ZNF454: variants seen among roughly 807,000 people sequenced by gnomAD.
The protein encoded by ZNF454 is zinc finger protein 454.
In ZNF454, 30 loss-of-function variants were observed where a neutral mutation model predicts 48.2. The ratio of observed to expected loss-of-function variants is 0.62; its 90% CI spans 0.47 to 0.84. ZNF454 has a LOEUF of 0.84. Ranked by LOEUF, ZNF454 falls within the 40% of genes least tolerant of loss-of-function variation. The probability of loss-of-function intolerance (pLI) is 0.00; values close to 1 mark genes in which losing one functional copy is unlikely to be tolerated. For missense variants in ZNF454, 510 were observed against 623.1 expected (o/e 0.82, Z 1.93); for synonymous variants, 204 against 211.4 (o/e 0.97, Z 0.30).
intron 4 of ZNF454, among the ~76,000 whole-genome samples, chr5:178,951,808 C>G (rs1759566686): frequency 1.3e-5 from 2 of 152,102 alleles, no homozygotes; most frequent in South Asian, 4.1e-4. Context: ...TGTAGAGGTA[C>G]TGGATTTAAG....
rs546331940 is a variant in ZNF454, at chr5:178,946,163, G to A, written c.34-196G>A. 7.2e-5 allele frequency among the ~76,000 whole-genome samples: 11 copies of A among 152,228 alleles called. No individual in the cohort carries two copies. Among genetic ancestry groups the A allele is most frequent in the South Asian group, 4.1e-4 (2 of 4,830 alleles). On this transcript the variant is annotated intron_variant, in intron 2 of 4. Transcript: ENST00000519564. The surrounding 1 kb of genome is among the most constrained non-coding windows in gnomAD (Gnocchi z 4.5). ...TCGCCACCATATATGTTTCTTCAGC[G>A]TGGAGAGCAATGTCTAGTCCAAGGC...
intron 4 of ZNF454, among the ~76,000 whole-genome samples, chr5:178,961,918 T>TGGA (rs1760025573): frequency 6.6e-6 from 1 of 151,818 alleles, no homozygotes; most frequent in African/African-American, 2.4e-5. Context: ...GACATTATAA[T>TGGA]TATTGTCTCA....
the ZNF454 span, chr5:178,989,200 TCCCCCTCCCCACCCTCACCACCCTCCC>T: frequency 7.5e-7 from 1 of 1,333,666 alleles, no homozygotes; most frequent in Non-Finnish European, 1.0e-6. Context: ...CCTCCCGCCT[TCCCCCTCCCCACCCTCACCACCCTCCC>T]CACCCTCCCC....
intron 4 of ZNF454, among the ~76,000 whole-genome samples, chr5:178,954,832 G>C (rs1759686630): frequency 6.6e-6 from 1 of 152,150 alleles, no homozygotes; most frequent in South Asian, 2.1e-4. Flanking sequence ...TTTCTGTCTG[G>C]CTTCTTTACT....
chr5:178,986,857 G>T, the ZNF454 span: 2 of 1,613,976 alleles, frequency 1.2e-6, no homozygotes, highest in Non-Finnish European at 1.7e-6. Context: ...GAGGGTCTCT[G>T]CCCACTGGCC....
chr5:178,989,429 G>T, the ZNF454 span: 1 of 1,613,716 alleles, frequency 6.2e-7, no homozygotes, highest in East Asian at 2.2e-5. Flanking sequence ...AGAAGGGGGA[G>T]GGTGGCGCTG....
At chr5:178,983,606 G>A in the ZNF454 span, 13,470 of 393,424 alleles carry the variant, frequency 0.034, 369 homozygotes, top group South Asian at 0.081. Context: ...CTGGAACTGA[G>A]GCCCTACTCG....
chr5:178,987,637 G>A, the ZNF454 span, among the ~76,000 whole-genome samples: 4 of 152,308 alleles, frequency 2.6e-5, no homozygotes, highest in South Asian at 2.1e-4. Flanking sequence ...GTGGAATGGC[G>A]GTTGCAGGTG....
rs188795001 is a variant in ZNF454 at position 178,947,815 on chromosome 5, G to A, written c.250+829G>A. Among the ~76,000 whole-genome samples the A allele has an allele frequency of 2.6e-5, 4 of 152,140 alleles. No homozygotes were observed. In the East Asian group the frequency reaches 7.7e-4, roughly 29 times the overall value. On this transcript the variant is annotated intron_variant, in intron 4 of 4. Transcript: ENST00000519564. Reference sequence around the variant, plus strand: ...AAACCTTTTGCTACAGATTCTTCACGGTAACCCAATGCAGTAGGCGGGAAT... The same window carrying A: ...AAACCTTTTGCTACAGATTCTTCACAGTAACCCAATGCAGTAGGCGGGAAT...
rs1359574839 is a variant in ZNF454, at chr5:178,944,792, CCTTAA to C, written c.34-1563_34-1559del. Reference sequence around the variant, plus strand: ...CTTTTTTCTCAGTGAACACCAGCTCCCTTAACTTCTCAGCCAACTGGGAAGACAAG... The same window carrying C: ...CTTTTTTCTCAGTGAACACCAGCTCCCTTCTCAGCCAACTGGGAAGACAAG... On this transcript the variant is annotated intron_variant, in intron 2 of 4. Transcript: ENST00000519564. This position sits in a 1 kb window ranked among gnomAD's most constrained non-coding sequence, Gnocchi z 4.1. Among the ~76,000 whole-genome samples the C allele has an allele frequency of 1.3e-5, 2 of 152,188 alleles. No individual in the cohort carries two copies. Among genetic ancestry groups the C allele is most frequent in the African/African-American group, 4.8e-5 (2 of 41,454 alleles).
At chr5:178,984,599 T>G in the ZNF454 span, among the ~76,000 whole-genome samples, 1 of 151,924 alleles carries the variant, frequency 6.6e-6, no homozygotes, top group African/African-American at 2.4e-5. Context: ...TCTAAGCATC[T>G]CCACCTGAGG....
the ZNF454 span, chr5:178,985,892 G>T: frequency 3.5e-6 from 2 of 571,092 alleles, no homozygotes; most frequent in African/African-American, 1.9e-5. Flanking sequence ...CTCCCAAGTA[G>T]CTAGGACTAC....
At chr5:178,985,560 G>T in the ZNF454 span, 1 of 337,100 alleles carries the variant, frequency 3.0e-6, no homozygotes, top group Non-Finnish European at 5.8e-6. Flanking sequence ...AAAATTAGCC[G>T]GGCGTGGTGG....
the ZNF454 span, chr5:178,988,797 G>T: frequency 1.5e-6 from 1 of 683,658 alleles, no homozygotes; most frequent in Non-Finnish European, 2.6e-6. This position sits in a 1 kb window ranked among gnomAD's most constrained non-coding sequence, Gnocchi z 6.0. Flanking sequence ...TCATGTCTTT[G>T]GCACTCAGCC....
chr5:178,986,093 C>T, the ZNF454 span: 5 of 1,591,854 alleles, frequency 3.1e-6, no homozygotes, highest in Non-Finnish European at 4.3e-6. Context: ...GGACAGTCCC[C>T]CTCCCTGCCC....
rs1342937807 is a variant in ZNF454, at chr5:178,941,937, T to C, written c.-108+493T>C. Among the ~76,000 whole-genome samples, 1 of 145,940 alleles carries C rather than the reference T, an allele frequency of 6.9e-6. No individual in the cohort carries two copies. The highest frequency in any genetic ancestry group is 2.5e-5 in the African/African-American group (1 of 39,892). ...GAGGAGGAAGAAGACCACCCTCCTTTTCCTCTTCTCCTGTCACTGCCAGAT... is the reference window on the plus strand; with the variant it reads ...GAGGAGGAAGAAGACCACCCTCCTTCTCCTCTTCTCCTGTCACTGCCAGAT... On this transcript the variant is annotated intron_variant, in intron 1 of 4. Coordinates refer to ENST00000519564, the MANE Select transcript of ZNF454 (RefSeq NM_001178089.3). This position sits in a 1 kb window ranked among gnomAD's most constrained non-coding sequence, Gnocchi z 5.5.
At chr5:178,989,211 ACCCT>A in the ZNF454 span, 4 of 121,734 alleles carry the variant, frequency 3.3e-5, no homozygotes, top group Non-Finnish European at 5.3e-5. Context: ...CCCCCTCCCC[ACCCT>A]CACCACCCTC....
At position 178,956,749 on chromosome 5, in the gene ZNF454, A is replaced by T. The variant is rs1759774474; in HGVS notation, c.251-7906A>T. Reference sequence around the variant, plus strand: ...GAGACGGAGTCTCTCTCTGTCACTCAGGCTGGAGTGCAGTGGCACGATCTC... The same window carrying T: ...GAGACGGAGTCTCTCTCTGTCACTCTGGCTGGAGTGCAGTGGCACGATCTC... On this transcript the variant is annotated intron_variant, in intron 4 of 4. Coordinates refer to ENST00000519564, the MANE Select transcript of ZNF454 (RefSeq NM_001178089.3). 2.0e-5 allele frequency among the ~76,000 whole-genome samples: 3 copies of T among 151,512 alleles called. No homozygotes were observed. In the South Asian group the frequency reaches 6.2e-4, roughly 32 times the overall value.
At chr5:178,959,647 C>T (rs992849661) in intron 4 of ZNF454, among the ~76,000 whole-genome samples, 1 of 152,102 alleles carries the variant, frequency 6.6e-6, no homozygotes, top group Non-Finnish European at 1.5e-5. Flanking sequence ...GCTCTGTTGC[C>T]CAGGCTGGAG....
Sources: allele counts gnomAD v4.1 joint callset (sites outside exome capture counted in the v4.1 genomes callset), GRCh38; gene constraint gnomAD v4.1.1; non-coding constraint Gnocchi (gnomAD v3.1); transcripts MANE v1.5; gene names NCBI Gene and HGNC (gene_info 2026-07-23, HGNC 2026-07-21).